Variants in SNX19 observed in about 807,000 individuals in gnomAD.
The protein encoded by SNX19 is sorting nexin 19.
In SNX19, 60 loss-of-function variants were observed where a neutral mutation model predicts 85.2. That is an observed-to-expected ratio of 0.70 (90% CI 0.57 to 0.87). SNX19 has a LOEUF of 0.87. Among genes scored for constraint, SNX19 ranks in the 40% least tolerant of loss-of-function variants. SNX19 has a pLI of 0.00. For synonymous variants in SNX19, 520 were observed against 470.0 expected (o/e 1.11, Z -1.38); for missense variants, 1,201 against 1,217.8 (o/e 0.99, Z 0.21).
At position 130,915,418 on chromosome 11, in the gene SNX19, C is replaced by T. The variant is rs765103720; in HGVS notation, c.522G>A (p.Glu174=). 5.6e-6 allele frequency: 9 copies of T among 1,613,926 alleles called. 1 individual carries two copies. Among genetic ancestry groups the T allele is most frequent in the Non-Finnish European group, 8.5e-7 (1 of 1,180,034 alleles). Residue 174 remains glutamate (E), a synonymous_variant, in exon 1 of 11, where the codon GAG becomes GAA. Coordinates refer to ENST00000265909, the MANE Select transcript of SNX19 (RefSeq NM_014758.3). ...CTGGACCATTCTTCCCTGCAGTGGC[C>T]TCCTTTGCCTGAATGTAGCTCTGCA... ...CHLQSYIQAK[E]ATAGKNGPVE...
intron 8 of SNX19, among the ~76,000 whole-genome samples, chr11:130,896,683 A>G (rs577741082): frequency 2.0e-5 from 3 of 152,322 alleles, no homozygotes; most frequent in African/African-American, 7.2e-5. Context: ...ATCTGAATGT[A>G]ATTTTCTTCA....
chr11:130,874,028 T>TTTA lies in SNX19; in HGVS notation c.*4393_*4394insTAA, dbSNP rs1258906203. On this transcript the variant is annotated 3_prime_UTR_variant, in exon 11 of 11. Transcript: ENST00000265909. Reference sequence around the variant, plus strand: ...CAATGAGTCATAAGAGGTTTTTTGTTTTTTTTTTTTTTATTTGGGGTCTCA... The same window carrying TTTA: ...CAATGAGTCATAAGAGGTTTTTTGTTTTATTTTTTTTTTTTATTTGGGGTCTCA... Among the ~76,000 whole-genome samples the TTTA allele has an allele frequency of 6.9e-5, 8 of 116,526 alleles. No individual in the cohort carries two copies. In the East Asian group the frequency reaches 1.6e-3, roughly 23 times the overall value. 76.4% of individuals were successfully genotyped at this position (116,526 alleles called of 152,430 possible). A position where few individuals can be genotyped will look rare whatever the true frequency, so the allele number is the denominator to read the frequency against.
In SNX19 at chr11:130,906,045, T is replaced by C. The variant is rs1267845593; in HGVS notation, c.2351A>G (p.Glu784Gly). The C allele has an allele frequency of 6.2e-7, 1 of 1,614,236 alleles. No individual in the cohort carries two copies. The highest frequency in any genetic ancestry group is 1.7e-5 in the Admixed American group (1 of 60,022). The part of the protein sequence containing the change: ...LLEMQPTKAP[E>G]KDPEQPPKGR... ...TTTGGGAGGTTGTTCAGGATCTTTT[T>C]CTGGGGCTTTTGTTGGCTGCATTTC... Residue 784 changes from glutamate (E) to glycine (G), a missense_variant, in exon 7 of 11, where the codon GAA becomes GGA. Glu to Gly is a moderately conservative substitution (Grantham distance 98). This residue lies in a region of SNX19 where 285 missense variants were observed against 295.3 expected (regional missense o/e 0.97). Transcript: ENST00000265909.
At chr11:130,880,178 T>G (rs1284050644) in intron 9 of SNX19, among the ~76,000 whole-genome samples, 1 of 152,242 alleles carries the variant, frequency 6.6e-6, no homozygotes, top group East Asian at 1.9e-4. Flanking sequence ...CCATACTCAA[T>G]GGCTGCAATT....
At chr11:130,909,297 C>T (rs997254362) in intron 4 of SNX19, among the ~76,000 whole-genome samples, 11 of 152,344 alleles carry the variant, frequency 7.2e-5, no homozygotes, top group African/African-American at 2.6e-4. Flanking sequence ...TGGATATCCC[C>T]TAACACCTAC....
At chr11:130,894,646 GC>G (rs1427206671) in intron 8 of SNX19, 1 of 985,334 alleles carries the variant, frequency 1.0e-6, no homozygotes, top group Admixed American at 6.1e-5. Context: ...CCATGCAGCA[GC>G]AGTTTGGTAG....
intron 9 of SNX19, 84 bp from the exon 10 acceptor site, chr11:130,879,795 C>A: frequency 7.9e-7 from 1 of 1,267,710 alleles, no homozygotes; most frequent in Non-Finnish European, 1.1e-6. Context: ...GGATCTCTGC[C>A]GTTTTTACAT....
At position 130,910,193 on chromosome 11, in the gene SNX19, T is replaced by A. The variant is rs898101738; in HGVS notation, c.1915-56A>T. 7 of 1,613,078 alleles carry A rather than the reference T, an allele frequency of 4.3e-6. No homozygotes were observed. In the African/African-American group the frequency reaches 9.4e-5, roughly 22 times the overall value. ...AGAGAAATTCCAGTCCCCAAATCTCTCCACCTTGGCTTGGGTGTTCTGGGG... is the reference window on the plus strand; with the variant it reads ...AGAGAAATTCCAGTCCCCAAATCTCACCACCTTGGCTTGGGTGTTCTGGGG... On this transcript the variant is annotated intron_variant, in intron 3 of 10. Coordinates refer to ENST00000265909, the MANE Select transcript of SNX19 (RefSeq NM_014758.3).
At position 130,915,191 on chromosome 11, in the gene SNX19, A is replaced by G. The variant is rs1167337801; in HGVS notation, c.749T>C (p.Leu250Pro). 6.2e-7 allele frequency: 1 copy of G among 1,614,234 alleles called. No individual in the cohort carries two copies. The highest frequency in any genetic ancestry group is 8.5e-7 in the Non-Finnish European group (1 of 1,180,046). The change falls in exon 1 of 11, where the codon CTG becomes CCG. Residue 250 changes from leucine (L) to proline (P), a missense_variant. By Grantham distance (98) the Leu-to-Pro change is moderately conservative. Transcript: ENST00000265909. ...GTCAGGATCTGACAGCCTGCTGATCAGTGGTAAGATTACATTGCATGTGAT... is the reference window on the plus strand; with the variant it reads ...GTCAGGATCTGACAGCCTGCTGATCGGTGGTAAGATTACATTGCATGTGAT... The part of the protein sequence containing the change: ...ELITCNVILP[L>P]ISRLSDPDWI...
intron 8 of SNX19, among the ~76,000 whole-genome samples, chr11:130,902,246 G>A (rs1945308214): frequency 6.6e-6 from 1 of 152,200 alleles, no homozygotes; most frequent in Admixed American, 6.5e-5. Context: ...TGGAGATTGG[G>A]CGCTGGCATA....
intron 8 of SNX19, chr11:130,893,920 A>C: frequency 1.5e-6 from 1 of 660,070 alleles, no homozygotes; most frequent in Non-Finnish European, 2.8e-6. Context: ...CTACTTCTCC[A>C]AAGGGCACTT....
At chr11:130,879,844 C>A in intron 9 of SNX19, 133 bp from the exon 10 acceptor site, 1 of 680,530 alleles carries the variant, frequency 1.5e-6, no homozygotes, top group Non-Finnish European at 2.5e-6. Flanking sequence ...ACCATACAGC[C>A]AAACTAAAAT....
intron 5 of SNX19, 108 bp downstream of exon 5, chr11:130,907,845 A>C: frequency 6.6e-7 from 1 of 1,518,734 alleles, no homozygotes; most frequent in Non-Finnish European, 8.9e-7. Flanking sequence ...GGTATGTCTG[A>C]CCCACCTCCT....
intron 8 of SNX19, among the ~76,000 whole-genome samples, chr11:130,894,040 G>A (rs1019975303): frequency 3.9e-5 from 6 of 152,140 alleles, no homozygotes; most frequent in Non-Finnish European, 7.3e-5. Flanking sequence ...ATCCATGGCC[G>A]AAAGCAATAG....
chr11:130,880,928 T>C (rs558125813), intron 8 of SNX19, 122 bp from the exon 9 acceptor site: 5 of 792,204 alleles, frequency 6.3e-6, no homozygotes, highest in African/African-American at 3.4e-5. Context: ...CTCAAGGTGA[T>C]GGCAGTAGGA....
At chr11:130,896,804 A>G (rs1332670527) in intron 8 of SNX19, among the ~76,000 whole-genome samples, 1 of 152,146 alleles carries the variant, frequency 6.6e-6, no homozygotes, top group East Asian at 1.9e-4. Flanking sequence ...TTCCTTTCCC[A>G]TTGCAATTAC....
At chr11:130,886,356 C>T (rs10894275) in intron 8 of SNX19, among the ~76,000 whole-genome samples, 66,117 of 151,758 alleles carry the variant, frequency 0.44, 14,663 homozygotes, top group South Asian at 0.56. Context: ...TGTGCATGCT[C>T]ACAGTGGGCT....
intron 9 of SNX19, 53 bp from the exon 10 acceptor site, chr11:130,879,764 T>C (rs2135275758): frequency 1.3e-6 from 2 of 1,525,108 alleles, no homozygotes; most frequent in Non-Finnish European, 1.8e-6. Flanking sequence ...AGTTTTAGAT[T>C]CTAAGGACAG....
At chr11:130,905,755 G>A in intron 7 of SNX19, 198 bp downstream of exon 7, 4 of 1,537,060 alleles carry the variant, frequency 2.6e-6, no homozygotes, top group Non-Finnish European at 3.5e-6. Flanking sequence ...GCCCTGTTCT[G>A]CTGCTTGATT....
Sources: allele counts gnomAD v4.1 joint callset (sites outside exome capture counted in the v4.1 genomes callset), GRCh38; gene constraint gnomAD v4.1.1; regional missense constraint gnomAD v4.1.1; transcripts MANE v1.5; gene names NCBI Gene and HGNC (gene_info 2026-07-23, HGNC 2026-07-21).